Variants in TENM2 observed in about 807,000 individuals in gnomAD.
TENM2 encodes teneurin-2.
A neutral mutation model predicts 245.2 loss-of-function variants in TENM2; 52 were observed. That is an observed-to-expected ratio of 0.21 (90% CI 0.17 to 0.27). The LOEUF (loss-of-function observed/expected upper bound fraction) is 0.27, where lower values mean the gene tolerates loss of function less well. Ranked by LOEUF, TENM2 falls within the 10% of genes least tolerant of loss-of-function variation. TENM2 has a pLI of 1.00. For missense variants in TENM2, 3,046 were observed against 3,666.8 expected (o/e 0.83, Z 4.37); for synonymous variants, 1,363 against 1,438.9 (o/e 0.95, Z 1.19).
intron 2 of TENM2, among the ~76,000 whole-genome samples, chr5:167,766,249 G>A (rs145263168): frequency 1.1e-3 from 163 of 152,044 alleles, no homozygotes; most frequent in Middle Eastern, 3.4e-3. Context: ...GAATTAATAT[G>A]TGCGAGTATT....
At chr5:167,471,673 A>G (rs1332395836) in intron 2 of TENM2, among the ~76,000 whole-genome samples, 4 of 152,244 alleles carry the variant, frequency 2.6e-5, no homozygotes, top group Non-Finnish European at 4.4e-5. Flanking sequence ...GGCAGACTAT[A>G]TAATACGAAT....
chr5:167,681,931 CAT>C (rs1491361368), intron 2 of TENM2, among the ~76,000 whole-genome samples: 2 of 152,052 alleles, frequency 1.3e-5, no homozygotes, highest in East Asian at 1.9e-4. Context: ...TACTCTTAGG[CAT>C]GTGTGTGTGT....
chr5:168,139,369 C>G (rs1755336762), intron 12 of TENM2: 1 of 416,478 alleles, frequency 2.4e-6, no homozygotes, highest in Non-Finnish European at 4.8e-6. Flanking sequence ...ATCTCATCTT[C>G]TCTTAGCTAT....
At chr5:167,781,425 G>A (rs767152124) in intron 2 of TENM2, among the ~76,000 whole-genome samples, 1 of 152,160 alleles carries the variant, frequency 6.6e-6, no homozygotes, top group African/African-American at 2.4e-5. Flanking sequence ...AGGTACTACA[G>A]TATTAAAGCC....
At chr5:167,958,924 A>AT (rs1780773567) in intron 4 of TENM2, among the ~76,000 whole-genome samples, 1 of 151,764 alleles carries the variant, frequency 6.6e-6, no homozygotes. Flanking sequence ...TTTTTCCTTC[A>AT]TTTCAACCTT....
chr5:167,694,238 A>T (rs980726389), intron 2 of TENM2, among the ~76,000 whole-genome samples: 1 of 152,110 alleles, frequency 6.6e-6, no homozygotes, highest in Non-Finnish European at 1.5e-5. Flanking sequence ...ACAGTAAGAG[A>T]GGGCTGGTTC....
intron 13 of TENM2, among the ~76,000 whole-genome samples, chr5:168,171,643 ATCAAG>A (rs1758837188): frequency 1.3e-5 from 2 of 152,360 alleles, no homozygotes; most frequent in Admixed American, 1.3e-4. Flanking sequence ...GTCTTTTTTA[ATCAAG>A]TCTTTATTAG....
At chr5:167,798,889 C>A (rs1331317790) in intron 2 of TENM2, among the ~76,000 whole-genome samples, 1 of 151,876 alleles carries the variant, frequency 6.6e-6, no homozygotes, top group Non-Finnish European at 1.5e-5. Context: ...CTGAACCCTA[C>A]CCTTGATGAG....
chr5:168,041,898 A>G (rs541343378), intron 5 of TENM2, among the ~76,000 whole-genome samples: 1 of 152,334 alleles, frequency 6.6e-6, no homozygotes, highest in Non-Finnish European at 1.5e-5. Flanking sequence ...ACATGTGTTA[A>G]TTTTCACTGC....
chr5:167,133,305 C>T, the TENM2 span, among the ~76,000 whole-genome samples: 2 of 152,344 alleles, frequency 1.3e-5, no homozygotes, highest in Middle Eastern at 3.4e-3. Flanking sequence ...CCAGCCAGCT[C>T]TGTCCTGATG....
the TENM2 span, among the ~76,000 whole-genome samples, chr5:167,175,438 T>C: frequency 0.011 from 1,620 of 152,368 alleles, 24 homozygotes; most frequent in African/African-American, 0.037. Flanking sequence ...TAATATCATC[T>C]CCAATATGGA....
At chr5:167,946,362 G>GT (rs1561966754) in intron 3 of TENM2, among the ~76,000 whole-genome samples, 1 of 47,386 alleles carries the variant, frequency 2.1e-5, no homozygotes. Flanking sequence ...CCGCTGGTTA[G>GT]GGAGCCAGGG....
At chr5:167,573,945 T>C (rs1774464656) in intron 2 of TENM2, 1 of 148,980 alleles carries the variant, frequency 6.7e-6, no homozygotes, top group Non-Finnish European at 1.5e-5. Flanking sequence ...AGCAGTGTAA[T>C]TTGAGACCGG....
At chr5:168,077,388 G>C (rs919809232) in intron 7 of TENM2, among the ~76,000 whole-genome samples, 3 of 151,786 alleles carry the variant, frequency 2.0e-5, no homozygotes, top group Admixed American at 6.6e-5. Context: ...TTCTAGGCAT[G>C]GGGGATGCTG....
At chr5:167,350,958 TATATATATGGGG>T (rs1758854370) in intron 1 of TENM2, among the ~76,000 whole-genome samples, 1 of 85,718 alleles carries the variant, frequency 1.2e-5, no homozygotes, top group Non-Finnish European at 2.5e-5. Flanking sequence ...TACATATGGA[TATATATATGGGG>T]TATATACATA....
intron 2 of TENM2, among the ~76,000 whole-genome samples, chr5:167,602,022 T>C (rs913317605): frequency 3.9e-5 from 4 of 101,640 alleles, no homozygotes; most frequent in East Asian, 2.3e-4. Flanking sequence ...TATTATTGGA[T>C]AGAAAAAAAA....
intron 27 of TENM2, among the ~76,000 whole-genome samples, chr5:168,251,858 G>T (rs1295774799): frequency 6.6e-6 from 1 of 152,220 alleles, no homozygotes; most frequent in Admixed American, 6.5e-5. Context: ...TTCTGCCCAA[G>T]AATGTGAGGA....
rs1765274576 is a variant in TENM2, at chr5:167,795,763, T to A, written c.503-80223T>A. 2.0e-5 allele frequency among the ~76,000 whole-genome samples: 3 copies of A among 152,216 alleles called. No individual in the cohort carries two copies. In the South Asian group the frequency reaches 6.2e-4, roughly 32 times the overall value. Reference sequence around the variant, plus strand: ...TTAAGGCAAACAGTAGCCACACATATATAATCAGGGAGGTAACTAATGACT... The same window carrying A: ...TTAAGGCAAACAGTAGCCACACATAAATAATCAGGGAGGTAACTAATGACT... On this transcript the variant is annotated intron_variant, in intron 2 of 28. Transcript: ENST00000518659.
chr5:167,236,356 A>G, the TENM2 span, among the ~76,000 whole-genome samples: 1 of 152,326 alleles, frequency 6.6e-6, no homozygotes, highest in African/African-American at 2.4e-5. Context: ...TTGGACAGCT[A>G]CTATCATTTC....
Sources: gnomAD v4.1 joint callset for allele counts (sites outside exome capture counted in the v4.1 genomes callset) on GRCh38, gnomAD v4.1.1 for gene constraint, MANE v1.5 for transcripts, NCBI Gene and HGNC (gene_info 2026-07-23, HGNC 2026-07-21) for gene names.